Variants in DISP1 observed in about 807,000 individuals in gnomAD.
DISP1 encodes the protein dispatched RND transporter family member 1.
Under a neutral mutation model 37.3 loss-of-function variants are expected in DISP1, and 30 were observed. The observed-to-expected ratio is 0.80, with a 90% CI of 0.60 to 1.09. The LOEUF (loss-of-function observed/expected upper bound fraction) is 1.09. Ranked by LOEUF, DISP1 falls within the 50% of genes least tolerant of loss-of-function variation. The pLI is 0.00. For missense variants in DISP1, 1,598 were observed against 1,879.5 expected (o/e 0.85, Z 2.77); for synonymous variants, 634 against 690.2 (o/e 0.92, Z 1.28).
chr1:222,996,259 T>C (rs1189415346), intron 8 of DISP1, among the ~76,000 whole-genome samples: 1 of 152,232 alleles, frequency 6.6e-6, no homozygotes, highest in African/African-American at 2.4e-5. Flanking sequence ...TTGTCATGCA[T>C]TAGGATACTT....
At chr1:222,942,706 AC>A in intron 2 of DISP1, 100 bp from the exon 3 acceptor site, 1 of 1,364,152 alleles carries the variant, frequency 7.3e-7, no homozygotes, top group Non-Finnish European at 1.0e-6. Flanking sequence ...CTCTGCAAGA[AC>A]CCTCATTTTC....
At chr1:222,852,749 A>T (rs762788524) in intron 1 of DISP1, among the ~76,000 whole-genome samples, 1 of 152,202 alleles carries the variant, frequency 6.6e-6, no homozygotes, top group Non-Finnish European at 1.5e-5. Flanking sequence ...TCTCCTGGGG[A>T]ATAATCAAAC....
intron 1 of DISP1, among the ~76,000 whole-genome samples, chr1:222,846,817 T>A (rs538211092): frequency 1.3e-4 from 20 of 152,398 alleles, no homozygotes; most frequent in African/African-American, 4.6e-4. Context: ...TGTCCACATG[T>A]ATACATGTTG....
chr1:222,949,249 C>A (rs1260204905), intron 3 of DISP1, among the ~76,000 whole-genome samples: 1 of 151,988 alleles, frequency 6.6e-6, no homozygotes, highest in African/African-American at 2.4e-5. Flanking sequence ...CAAAAATTAG[C>A]CTGGTGTGGT....
rs554696907 is a variant in DISP1 at position 222,920,931 on chromosome 1, C to A, written c.-158-7499C>A. On this transcript the variant is annotated intron_variant, in intron 1 of 8. Transcript: ENST00000675850. ...TTTTCTAGTCTATAATCAAATGAAG[C>A]AAAGATCATAATAAATAAAAACTAA... 3.9e-5 allele frequency among the ~76,000 whole-genome samples: 6 copies of A among 152,148 alleles called. No individual in the cohort carries two copies. The South Asian group carries it at 1.2e-3, about 32-fold the overall frequency.
Position 223,004,034 on chromosome 1 carries a change from C to T in DISP1, c.2637C>T (p.Phe879=). 6.8e-6 allele frequency: 11 copies of T among 1,614,114 alleles called. No individual in the cohort carries two copies. Among genetic ancestry groups the T allele is most frequent in the Non-Finnish European group, 9.3e-6 (11 of 1,180,020 alleles). Residue 879 remains phenylalanine, a synonymous_variant, in exon 9 of 9, where the codon TTC becomes TTT. Coordinates refer to ENST00000675850, the MANE Select transcript of DISP1 (RefSeq NM_001377229.1). This position sits in a 1 kb window ranked among gnomAD's most constrained non-coding sequence, Gnocchi z 4.9. The part of the protein sequence containing the change: ...ALYPCCSHWS[F]PYKQEIFELC... Reference sequence around the variant, plus strand: ...ACCCATGCTGCAGCCACTGGAGCTTCCCCTACAAGCAAGAGATTTTTGAAC... The same window carrying T: ...ACCCATGCTGCAGCCACTGGAGCTTTCCCTACAAGCAAGAGATTTTTGAAC...
At chr1:222,992,256 A>T in intron 7 of DISP1, 146 bp downstream of exon 7, 2 of 708,072 alleles carry the variant, frequency 2.8e-6, no homozygotes, top group Non-Finnish European at 5.2e-6. Flanking sequence ...TTGGCTAATT[A>T]ACTTTTTCTT....
rs1558339946 is a variant in DISP1 at position 222,936,811 on chromosome 1, A to AAATATATAAT, written c.-17-5995_-17-5994insATATATAATA. Among the ~76,000 whole-genome samples, 183 of 34,838 alleles carry AAATATATAAT rather than the reference A, an allele frequency of 5.3e-3. 2 individuals carry two copies. The highest frequency in any genetic ancestry group is 9.6e-3 in the Non-Finnish European group (172 of 17,888). The allele number at this position is 34,838 out of a possible 152,430, so 22.9% of individuals were successfully genotyped here. A position where few individuals can be genotyped will look rare whatever the true frequency, so the allele number is the denominator to read the frequency against. ...ATATATATAATATATTATATATATA[A>AAATATATAAT]ATTATATATAATATATATAAATTAT... On this transcript the variant is annotated intron_variant, in intron 2 of 8. Coordinates refer to ENST00000675850, the MANE Select transcript of DISP1 (RefSeq NM_001377229.1).
chr1:223,005,596 G>T lies in DISP1; in HGVS notation c.4199G>T (p.Gly1400Val). The T allele has an allele frequency of 6.2e-7, 1 of 1,614,054 alleles. No homozygotes were observed. The highest frequency in any genetic ancestry group is 1.3e-5 in the African/African-American group (1 of 75,018). The change falls in exon 9 of 9, where the codon GGA (glycine) becomes GTA (valine). Residue 1400 changes from glycine (G) to valine (V), a missense_variant. Physicochemically the swap from Gly to Val is moderately radical, Grantham distance 109 (BLOSUM62 -3). Coordinates refer to ENST00000675850, the MANE Select transcript of DISP1 (RefSeq NM_001377229.1). ...EPSSFVCRSTGSLLKTCCDPE... is the reference protein window; with the variant it reads ...EPSSFVCRSTVSLLKTCCDPE... ...TCGTCATTTGTCTGCAGAAGCACTGGATCGTTACTCAAAACGTGTTGCGAC... is the reference window on the plus strand; with the variant it reads ...TCGTCATTTGTCTGCAGAAGCACTGTATCGTTACTCAAAACGTGTTGCGAC...
intron 2 of DISP1, among the ~76,000 whole-genome samples, chr1:222,938,760 A>AGG (rs1553332294): frequency 1.3e-4 from 14 of 104,582 alleles, no homozygotes; most frequent in East Asian, 7.7e-4. Context: ...AAAAAAAAAA[A>AGG]AAGGAAGGAA....
intron 3 of DISP1, among the ~76,000 whole-genome samples, chr1:222,949,869 C>T (rs372634580): frequency 3.9e-5 from 6 of 152,212 alleles, no homozygotes; most frequent in Admixed American, 2.0e-4. Flanking sequence ...TCAAGTGATC[C>T]GCCTGCCTCA....
chr1:222,875,281 C>G (rs571883361), intron 1 of DISP1, among the ~76,000 whole-genome samples: 4 of 151,660 alleles, frequency 2.6e-5, no homozygotes, highest in Non-Finnish European at 5.9e-5. Flanking sequence ...CCACTGTACT[C>G]CAGCCTGGGT....
intron 2 of DISP1, among the ~76,000 whole-genome samples, chr1:222,932,169 A>G (rs953253920): frequency 6.6e-6 from 1 of 151,992 alleles, no homozygotes; most frequent in Non-Finnish European, 1.5e-5. Flanking sequence ...TAGATTGATC[A>G]GCATTAATTA....
chr1:222,987,245 C>T (rs757340337), intron 4 of DISP1, among the ~76,000 whole-genome samples: 42 of 152,146 alleles, frequency 2.8e-4, no homozygotes, highest in Non-Finnish European at 4.7e-4. Context: ...TATATATTTG[C>T]ATAGATAGCA....
intron 1 of DISP1, among the ~76,000 whole-genome samples, chr1:222,839,587 C>T (rs1419649274): frequency 6.6e-6 from 1 of 152,128 alleles, no homozygotes. Flanking sequence ...CTTTAATTTA[C>T]AGTAGCATTA....
intron 1 of DISP1, among the ~76,000 whole-genome samples, chr1:222,824,678 A>G (rs766419686): frequency 6.6e-6 from 1 of 152,052 alleles, no homozygotes; most frequent in Non-Finnish European, 1.5e-5. Context: ...AAAGTAGCAG[A>G]TACTTTAAAA....
chr1:222,921,425 T>C (rs1448236200), intron 1 of DISP1, among the ~76,000 whole-genome samples: 2 of 152,138 alleles, frequency 1.3e-5, no homozygotes, highest in Non-Finnish European at 2.9e-5. Context: ...TTTCTGTCAA[T>C]GCCATGGGAA....
intron 1 of DISP1, among the ~76,000 whole-genome samples, chr1:222,917,696 T>C (rs552757323): frequency 2.0e-5 from 3 of 152,292 alleles, no homozygotes; most frequent in African/African-American, 7.2e-5. Flanking sequence ...CCTTGTACGG[T>C]CTTCTTTTAT....
rs764652585 is a variant in DISP1, at chr1:222,992,020, G to T, written c.799G>T (p.Asp267Tyr). 1 of 1,612,616 alleles carries T rather than the reference G, an allele frequency of 6.2e-7. No homozygotes were observed. Among genetic ancestry groups the T allele is most frequent in the African/African-American group, 1.3e-5 (1 of 74,894 alleles). The change falls in exon 7 of 9, where the codon GAT (aspartate) becomes TAT (tyrosine). Residue 267 changes from aspartate to tyrosine, a missense_variant. Coordinates refer to ENST00000675850, the MANE Select transcript of DISP1 (RefSeq NM_001377229.1). ...ATTGTCGTTCCATTTCAGCCATCGG[G>T]ATGATAGATGGTCAGATGATCATTA... The part of the protein sequence containing the change: ...YADEQAKSHR[D>Y]DRWSDDHYER...
Sources: allele counts gnomAD v4.1 joint callset (sites outside exome capture counted in the v4.1 genomes callset), GRCh38; gene constraint gnomAD v4.1.1; non-coding constraint Gnocchi (gnomAD v3.1); transcripts MANE v1.5; gene names NCBI Gene and HGNC (gene_info 2026-07-23, HGNC 2026-07-21).